Variants in ADCY7 observed in about 807,000 individuals in gnomAD.
ADCY7 encodes the protein adenylate cyclase 7.
In ADCY7, 72 loss-of-function variants were observed where a neutral mutation model predicts 120.6. That is an observed-to-expected ratio of 0.60 (90% confidence interval 0.49 to 0.73). ADCY7 has a LOEUF of 0.73. Among genes scored for constraint, ADCY7 ranks in the 30% least tolerant of loss-of-function variants. The pLI is 0.00. For synonymous variants in ADCY7, 661 were observed against 628.0 expected (o/e 1.05, Z -0.78); for missense variants, 1,227 against 1,486.0 (o/e 0.83, Z 2.87).
intron 1 of ADCY7, among the ~76,000 whole-genome samples, chr16:50,274,609 G>A (rs188595380): frequency 2.0e-3 from 300 of 152,304 alleles, no homozygotes; most frequent in Middle Eastern, 6.8e-3. Context: ...CTTGGTTTGG[G>A]GCTGGGCACT....
At chr16:50,248,892 C>A (rs1020049089) in intron 1 of ADCY7, among the ~76,000 whole-genome samples, 2 of 152,158 alleles carry the variant, frequency 1.3e-5, no homozygotes, top group Admixed American at 1.3e-4. Flanking sequence ...TGGACGATAC[C>A]CTTTTGGTCG....
chr16:50,312,775 C>T, intron 21 of ADCY7, 115 bp from the exon 22 acceptor site: 1 of 906,322 alleles, frequency 1.1e-6, no homozygotes, highest in East Asian at 3.9e-5. Flanking sequence ...CCCCTCCCCA[C>T]TCCCCGAAAG....
chr16:50,288,038 G>A lies in ADCY7; in HGVS notation c.-142G>A. On this transcript the variant is annotated 5_prime_UTR_variant, in exon 2 of 26. Coordinates refer to ENST00000673801, the MANE Select transcript of ADCY7 (RefSeq NM_001114.5). ...TTGGCCATGGAGCAGCAGGCCCAGA[G>A]GCCCTCTCCCCAGCCCTGCTTGCCT... 2.1e-6 allele frequency: 2 copies of A among 964,266 alleles called. No individual in the cohort carries two copies. The highest frequency in any genetic ancestry group is 3.7e-5 in the South Asian group (2 of 54,712). 59.7% of individuals were successfully genotyped at this position (964,266 alleles called of 1,614,324 possible).
chr16:50,302,853 G>A (rs548054176), intron 10 of ADCY7, among the ~76,000 whole-genome samples: 11 of 152,306 alleles, frequency 7.2e-5, no homozygotes, highest in East Asian at 1.9e-4. Context: ...CAGGGTGCTC[G>A]TCTGTAGCTC....
Position 50,312,184 on chromosome 16 carries a change from T to G in ADCY7, c.2597T>G (p.Leu866Ter). 1 of 1,613,294 alleles carries G rather than the reference T, an allele frequency of 6.2e-7. No individual in the cohort carries two copies. Among genetic ancestry groups the G allele is most frequent in the Non-Finnish European group, 8.5e-7 (1 of 1,179,916 alleles). ...GCTGCCCACTTTATCGGTGACAAGT[T>G]AAACGAGGTGTGCTGAGAAGGGGCT... is the stretch of plus-strand genomic sequence containing the variant. ...HVAAHFIGDK[L>*]NEDWYHQSYD... The change falls in exon 21 of 26, where the codon TTA (leucine) becomes TGA (stop). Residue 866 changes from leucine to a stop codon, truncating the protein, a stop_gained. Coordinates refer to ENST00000673801, the MANE Select transcript of ADCY7 (RefSeq NM_001114.5). LOFTEE classifies it high-confidence loss of function.
chr16:50,315,523 C>T lies in ADCY7; in HGVS notation c.*18C>T, dbSNP rs9940992. On this transcript the variant is annotated 3_prime_UTR_variant, in exon 26 of 26. Transcript: ENST00000673801. Reference sequence around the variant, plus strand: ...TGAACTGAGGGCTCCTGCTGGATTCCGAAAAGGCCGGGAAGCCAGTCTCCT... The same window carrying T: ...TGAACTGAGGGCTCCTGCTGGATTCTGAAAAGGCCGGGAAGCCAGTCTCCT... The T allele has an allele frequency of 5.4e-4, 870 of 1,598,236 alleles. 4 individuals are homozygous for T. In the African/African-American group the frequency reaches 9.9e-3, roughly 18 times the overall value.
intron 2 of ADCY7, among the ~76,000 whole-genome samples, chr16:50,289,480 C>A (rs565187291): frequency 6.6e-6 from 1 of 151,722 alleles, no homozygotes; most frequent in Admixed American, 6.6e-5. Flanking sequence ...CTGCATTTTT[C>A]AAAAAAAAGA....
chr16:50,278,900 C>T (rs943778372), intron 1 of ADCY7, among the ~76,000 whole-genome samples: 1 of 148,870 alleles, frequency 6.7e-6, no homozygotes, highest in Non-Finnish European at 1.5e-5. Flanking sequence ...TTGGCAGAGC[C>T]TCACTCTGTT....
At chr16:50,318,132 C>CAAAT (rs1340079548) in exon 26 of ADCY7, 1 of 152,234 alleles carries the variant, frequency 6.6e-6, no homozygotes, top group African/African-American at 2.4e-5. Flanking sequence ...TTGAAAAACT[C>CAAAT]AAATATCTGA....
At chr16:50,310,545 T>C (rs1455299426) in intron 18 of ADCY7, 142 bp from the exon 19 acceptor site, 3 of 1,548,778 alleles carry the variant, frequency 1.9e-6, no homozygotes, top group Admixed American at 1.9e-5. Context: ...TTAGGTCTCA[T>C]TGTTTTTTGT....
intron 15 of ADCY7, among the ~76,000 whole-genome samples, chr16:50,308,030 A>C (rs1436948521): frequency 6.6e-6 from 1 of 150,812 alleles, no homozygotes. Flanking sequence ...AGAAAGATGT[A>C]ATAGGGAATG....
intron 18 of ADCY7, 102 bp from the exon 19 acceptor site, chr16:50,310,585 G>T: frequency 6.3e-7 from 1 of 1,588,062 alleles, no homozygotes. Flanking sequence ...GCAAGAGCGT[G>T]ATGCTGAGGT....
chr16:50,262,912 T>G (rs2030028736), upstream of ADCY7, among the ~76,000 whole-genome samples: 1 of 152,206 alleles, frequency 6.6e-6, no homozygotes, highest in Non-Finnish European at 1.5e-5. Context: ...TCAGCACACT[T>G]GGGAGCACTG....
At chr16:50,264,760 A>G (rs2033148010), upstream of ADCY7, among the ~76,000 whole-genome samples, 1 of 151,570 alleles carries the variant, frequency 6.6e-6, no homozygotes, top group Non-Finnish European at 1.5e-5. Flanking sequence ...CTCTTTGTTG[A>G]AGTACCTGTG....
intron 1 of ADCY7, among the ~76,000 whole-genome samples, chr16:50,285,280 G>A (rs1255623134): frequency 6.6e-6 from 1 of 152,200 alleles, no homozygotes; most frequent in Admixed American, 6.5e-5. Flanking sequence ...GTAGACACCT[G>A]CCCAGGCACT....
chr16:50,292,229 TG>T (rs1430517849), intron 4 of ADCY7, among the ~76,000 whole-genome samples: 1 of 152,230 alleles, frequency 6.6e-6, no homozygotes, highest in East Asian at 1.9e-4. Flanking sequence ...TGGCGGGGCT[TG>T]GGGGAGTACC....
chr16:50,292,662 C>T lies in ADCY7; in HGVS notation c.538-14C>T. On this transcript the variant is annotated splice_polypyrimidine_tract_variant and intron_variant, in intron 4 of 25. Transcript: ENST00000673801. Reference sequence around the variant, plus strand: ...CCAGGCCACATAATGAGCCAAACCCCTGTCTACCCGCAGCTGCTGGCCAAC... The same window carrying T: ...CCAGGCCACATAATGAGCCAAACCCTTGTCTACCCGCAGCTGCTGGCCAAC... 1.2e-6 allele frequency: 2 copies of T among 1,613,042 alleles called. No homozygotes were observed. Among genetic ancestry groups the T allele is most frequent in the Non-Finnish European group, 8.5e-7 (1 of 1,179,442 alleles).
intron 7 of ADCY7, among the ~76,000 whole-genome samples, chr16:50,295,619 G>C (rs1476296005): frequency 6.6e-6 from 1 of 152,088 alleles, no homozygotes; most frequent in Non-Finnish European, 1.5e-5. Flanking sequence ...TGGGGTGAAC[G>C]TGCTCAGTGT....
chr16:50,273,594 A>G (rs1045256118), intron 1 of ADCY7, among the ~76,000 whole-genome samples: 2 of 152,254 alleles, frequency 1.3e-5, no homozygotes, highest in South Asian at 2.1e-4. Flanking sequence ...TCCATGTGCA[A>G]TGGGGGTTTA....
Sources: gnomAD v4.1 joint callset for allele counts (sites outside exome capture counted in the v4.1 genomes callset) on GRCh38, gnomAD v4.1.1 for gene constraint, MANE v1.5 for transcripts, NCBI Gene and HGNC (gene_info 2026-07-23, HGNC 2026-07-21) for gene names.